The following ARSG variants were observed in gnomAD, a reference collection of about 807,000 sequenced individuals.
ARSG encodes the protein arylsulfatase G.
A neutral mutation model predicts 50.5 loss-of-function variants in ARSG; 37 were observed. The observed-to-expected ratio is 0.73, with a 90% CI of 0.56 to 0.96. ARSG has a LOEUF of 0.96. Ranked by LOEUF, ARSG falls within the 50% of genes least tolerant of loss-of-function variation. ARSG has a pLI of 0.00. For missense variants in ARSG, 629 were observed against 675.3 expected (o/e 0.93, Z 0.76); for synonymous variants, 225 against 254.6 (o/e 0.88, Z 1.11).
rs8074806 is a variant in ARSG, at chr17:68,307,525, C to T, written c.32C>T (p.Ala11Val). Residue 11 changes from alanine to valine, a missense_variant, in exon 2 of 12, where the codon GCG becomes GTG. Ala to Val is a moderately conservative substitution (Grantham distance 64). Transcript: ENST00000621439. The part of the protein sequence containing the change: MGWLFLKVLL[A>V]GVSFSGFLYP... ...TGGCTTTTTCTAAAGGTTTTGTTGG[C>T]GGGAGTGAGTTTCTCAGGATTTCTT... 4,770 of 1,613,934 alleles carry T rather than the reference C, an allele frequency of 3.0e-3. 118 individuals are homozygous for T. In the African/African-American group the frequency reaches 0.055, roughly 18 times the overall value.
At chr17:68,262,637 G>T (rs2075092047) in intron 1 of ARSG, among the ~76,000 whole-genome samples, 1 of 152,174 alleles carries the variant, frequency 6.6e-6, no homozygotes, top group African/African-American at 2.4e-5. Context: ...AGGTGGGGGT[G>T]GCGTGTTCCA....
the ARSG span, among the ~76,000 whole-genome samples, chr17:68,445,250 C>T: frequency 2.0e-5 from 3 of 152,222 alleles, no homozygotes; most frequent in African/African-American, 4.8e-5. Flanking sequence ...ATCAGACCCC[C>T]TGTGCCATGT....
At chr17:68,357,715 A>G (rs2079095765) in intron 6 of ARSG, among the ~76,000 whole-genome samples, 1 of 152,194 alleles carries the variant, frequency 6.6e-6, no homozygotes, top group Admixed American at 6.6e-5. Context: ...GTAAGGCATT[A>G]GGGAGTGGTG....
intron 1 of ARSG, among the ~76,000 whole-genome samples, chr17:68,263,374 C>T (rs1555745657): frequency 1.3e-5 from 2 of 152,220 alleles, no homozygotes; most frequent in Admixed American, 1.3e-4. Flanking sequence ...GGCAGCTTCT[C>T]TTTTATCAAT....
At chr17:68,451,405 G>C in the ARSG span, among the ~76,000 whole-genome samples, 3 of 152,202 alleles carry the variant, frequency 2.0e-5, no homozygotes, top group Non-Finnish European at 4.4e-5. Context: ...CTGCACTCCA[G>C]CCTGGGCGAC....
chr17:68,319,785 A>AG (rs765617399), intron 2 of ARSG, among the ~76,000 whole-genome samples: 7 of 152,174 alleles, frequency 4.6e-5, no homozygotes, highest in Non-Finnish European at 1.0e-4. Context: ...AGAATGCAGG[A>AG]GGGTAGTGTG....
upstream of ARSG, among the ~76,000 whole-genome samples, chr17:68,286,845 A>G (rs2075853185): frequency 6.6e-6 from 1 of 152,202 alleles, no homozygotes; most frequent in Admixed American, 6.5e-5. Flanking sequence ...TGATGGCTTA[A>G]GCGAAGCCTG....
At chr17:68,428,050 C>T in the ARSG span, among the ~76,000 whole-genome samples, 2 of 151,916 alleles carry the variant, frequency 1.3e-5, no homozygotes, top group Admixed American at 1.3e-4. Flanking sequence ...TACCACCATG[C>T]CTGGCTAATT....
Position 68,398,480 on chromosome 17 carries a change from A to C in ARSG, c.1213-2880A>C, listed in dbSNP as rs533403542. ...CTGTAACATATGCATACATGTGTAC[A>C]TATGTATTTTAAAATAAGCACAATT... On this transcript the variant is annotated intron_variant, in intron 10 of 11. Transcript: ENST00000621439. Among the ~76,000 whole-genome samples, 9 of 152,362 alleles carry C rather than the reference A, an allele frequency of 5.9e-5. 1 individual carries two copies. In the South Asian group the frequency reaches 1.7e-3, roughly 28 times the overall value.
intron 1 of ARSG, chr17:68,272,621 C>T (rs1196998958): frequency 6.2e-7 from 1 of 1,612,396 alleles, no homozygotes; most frequent in African/African-American, 1.3e-5. Context: ...CATACTTAGG[C>T]TGTTGTAGTC....
chr17:68,365,216 G>A (rs2079488351), intron 6 of ARSG, among the ~76,000 whole-genome samples: 2 of 152,190 alleles, frequency 1.3e-5, no homozygotes, highest in Admixed American at 6.5e-5. Context: ...GGAGGCTGAG[G>A]CAGGAGAATT....
At chr17:68,372,982 C>T (rs933309157) in intron 8 of ARSG, among the ~76,000 whole-genome samples, 1 of 147,236 alleles carries the variant, frequency 6.8e-6, no homozygotes, top group Admixed American at 7.0e-5. Context: ...GCCTCCACTT[C>T]CTGGGCTCAA....
At chr17:68,293,331 C>T (rs1555756979) in intron 1 of ARSG, among the ~76,000 whole-genome samples, 1 of 152,110 alleles carries the variant, frequency 6.6e-6, no homozygotes. Context: ...CCATTTATAC[C>T]TGAGTGACTC....
chr17:68,382,490 C>A (rs146865076), intron 8 of ARSG, among the ~76,000 whole-genome samples: 161 of 152,308 alleles, frequency 1.1e-3, no homozygotes, highest in African/African-American at 3.7e-3. Context: ...CTTAGAATAA[C>A]TATCCATTAG....
At chr17:68,347,263 T>G in intron 4 of ARSG, 91 bp downstream of exon 4, 7 of 1,431,904 alleles carry the variant, frequency 4.9e-6, no homozygotes, top group Non-Finnish European at 6.8e-6. Context: ...ATCCTGTCTC[T>G]GGGGGCAACC....
chr17:68,438,363 T>C, the ARSG span, among the ~76,000 whole-genome samples: 45 of 152,340 alleles, frequency 3.0e-4, no homozygotes, highest in African/African-American at 1.0e-3. Context: ...TCTGAATTCT[T>C]TGCTATCCAA....
chr17:68,367,442 T>A lies in ARSG; in HGVS notation c.705-1106T>A, dbSNP rs534353801. Among the ~76,000 whole-genome samples, 25 of 152,252 alleles carry A rather than the reference T, an allele frequency of 1.6e-4. No individual in the cohort carries two copies. The highest frequency in any genetic ancestry group is 6.0e-4 in the African/African-American group (25 of 41,564). On this transcript the variant is annotated intron_variant, in intron 6 of 11. Coordinates refer to ENST00000621439, the MANE Select transcript of ARSG (RefSeq NM_001267727.2). The surrounding 1 kb of genome is among the most constrained non-coding windows in gnomAD (Gnocchi z 4.5). ...CCATGCATCTACCCCCACCAGAATG[T>A]TGTTGACTCTGTACTCTCCCAATAC...
rs1208712044 is a variant in ARSG at position 68,368,697 on chromosome 17, A to G, written c.854A>G (p.Asp285Gly). The change falls in exon 7 of 12, where the codon GAC becomes GGC. Residue 285 changes from aspartate to glycine, a missense_variant. Asp to Gly is a moderately conservative substitution (Grantham distance 94). Transcript: ENST00000621439. The stretch of plus-strand genomic sequence containing the variant: ...GACAGTCTGGTGGGCCAGATCAAGG[A>G]CAAAGTTGACCACACAGTGAAGGAA... ...EMDSLVGQIK[D>G]KVDHTVKENT... is the part of the protein sequence containing the mutation. 3.7e-6 allele frequency: 6 copies of G among 1,614,020 alleles called. No individual in the cohort carries two copies. The highest frequency in any genetic ancestry group is 4.2e-6 in the Non-Finnish European group (5 of 1,179,984).
chr17:68,450,581 A>G, the ARSG span: 2 of 1,093,924 alleles, frequency 1.8e-6, no homozygotes, highest in South Asian at 3.2e-5. Context: ...TCTGTTTACA[A>G]TACCCCCGGG....
Sources: allele counts gnomAD v4.1 joint callset (sites outside exome capture counted in the v4.1 genomes callset), GRCh38; gene constraint gnomAD v4.1.1; non-coding constraint Gnocchi (gnomAD v3.1); transcripts MANE v1.5; gene names NCBI Gene and HGNC (gene_info 2026-07-23, HGNC 2026-07-21).